SMARCC1: variants seen among roughly 807,000 people sequenced by gnomAD.
SMARCC1 encodes SWI/SNF complex subunit SMARCC1.
A neutral mutation model predicts 147.4 loss-of-function variants in SMARCC1; 43 were observed. The observed-to-expected ratio is 0.29, with a 90% CI of 0.23 to 0.38. The LOEUF is 0.38. Ranked by LOEUF, SMARCC1 falls within the 10% of genes least tolerant of loss-of-function variation. The pLI is 1.00. For missense variants in SMARCC1, 1,119 were observed against 1,381.1 expected (o/e 0.81, Z 3.01); for synonymous variants, 495 against 484.4 (o/e 1.02, Z -0.29).
intron 1 of SMARCC1, among the ~76,000 whole-genome samples, chr3:47,776,681 A>G (rs746583096): frequency 3.9e-5 from 6 of 152,202 alleles, no homozygotes; most frequent in Non-Finnish European, 8.8e-5. Flanking sequence ...AATGTCCTTG[A>G]AAAAGGCTGT....
At chr3:47,741,748 CTAT>C (rs2034512687) in intron 3 of SMARCC1, among the ~76,000 whole-genome samples, 1 of 151,704 alleles carries the variant, frequency 6.6e-6, no homozygotes, top group African/African-American at 2.4e-5. Flanking sequence ...ATTTATTTTA[CTAT>C]TATTTTAAAA....
chr3:47,768,264 G>C (rs1184179985), intron 2 of SMARCC1, among the ~76,000 whole-genome samples: 1 of 152,088 alleles, frequency 6.6e-6, no homozygotes, highest in Non-Finnish European at 1.5e-5. Context: ...ATACCATTAT[G>C]GATTGTATCA....
intron 25 of SMARCC1, among the ~76,000 whole-genome samples, chr3:47,615,057 G>A (rs1040929628): frequency 6.6e-6 from 1 of 152,056 alleles, no homozygotes; most frequent in Non-Finnish European, 1.5e-5. Flanking sequence ...CAACTGTCAA[G>A]TTTCTCAATA....
intron 25 of SMARCC1, among the ~76,000 whole-genome samples, chr3:47,613,982 G>T (rs548411993): frequency 2.2e-5 from 3 of 135,940 alleles, no homozygotes; most frequent in Admixed American, 7.4e-5. Flanking sequence ...AGCAGGGAGG[G>T]GGGTGGGAAA....
In SMARCC1 at chr3:47,736,073, C is replaced by T; in HGVS notation, c.537G>A (p.Lys179=). 1 of 1,603,028 alleles carries T rather than the reference C, an allele frequency of 6.2e-7. No homozygotes were observed. The highest frequency in any genetic ancestry group is 8.5e-7 in the Non-Finnish European group (1 of 1,174,168). Residue 179 remains lysine (K), a synonymous_variant, in exon 5 of 28, where the codon AAG becomes AAA. Transcript: ENST00000254480. ...NIYLIPDIDL[K]LANKLKDIIK... is the part of the protein sequence containing the mutation. ...TGATATCTTTCAATTTGTTAGCCAA[C>T]TTCAGATCAATGTCTGGAATGAGGT...
In SMARCC1 at chr3:47,761,331, C is replaced by T. The variant is rs180921992; in HGVS notation, c.315+11486G>A. 7.0e-4 allele frequency among the ~76,000 whole-genome samples: 107 copies of T among 151,818 alleles called. 1 individual carries two copies. Among genetic ancestry groups the T allele is most frequent in the African/African-American group, 2.5e-3 (103 of 41,422 alleles). Reference sequence around the variant, plus strand: ...AAAAAAAAGACAGGCTGAATTATCTCAAATTAAATAAGACTAAAAATATAT... The same window carrying T: ...AAAAAAAAGACAGGCTGAATTATCTTAAATTAAATAAGACTAAAAATATAT... On this transcript the variant is annotated intron_variant, in intron 2 of 27. Transcript: ENST00000254480.
intron 19 of SMARCC1, among the ~76,000 whole-genome samples, chr3:47,665,088 C>T (rs954362130): frequency 6.6e-6 from 1 of 152,152 alleles, no homozygotes; most frequent in African/African-American, 2.4e-5. Context: ...CCGCCTCAGC[C>T]TCCCAAAGTG....
At chr3:47,674,814 T>G (rs1171085159) in intron 18 of SMARCC1, among the ~76,000 whole-genome samples, 3 of 152,200 alleles carry the variant, frequency 2.0e-5, no homozygotes, top group Non-Finnish European at 4.4e-5. Flanking sequence ...CCATTATATA[T>G]TCAAGTATCA....
At chr3:47,750,580 C>T (rs1325650826) in intron 2 of SMARCC1, among the ~76,000 whole-genome samples, 1 of 152,184 alleles carries the variant, frequency 6.6e-6, no homozygotes, top group African/African-American at 2.4e-5. Context: ...CATGTAATCA[C>T]TATTGCACTT....
At chr3:47,709,702 A>C (rs2034061307) in intron 9 of SMARCC1, among the ~76,000 whole-genome samples, 1 of 151,980 alleles carries the variant, frequency 6.6e-6, no homozygotes, top group African/African-American at 2.4e-5. Context: ...TAAATAAATA[A>C]ATAAAAAATA....
chr3:47,598,543 T>A (rs1249264856), intron 26 of SMARCC1, among the ~76,000 whole-genome samples: 3 of 152,072 alleles, frequency 2.0e-5, no homozygotes, highest in African/African-American at 7.2e-5. Flanking sequence ...TAAAGCTATG[T>A]ATGTGGCCCA....
intron 10 of SMARCC1, among the ~76,000 whole-genome samples, chr3:47,704,989 CAAAAAA>C (rs34157187): frequency 1.5e-5 from 1 of 65,890 alleles, no homozygotes. Context: ...GACCCTGTCT[CAAAAAA>C]AAAAAAAAAA....
intron 2 of SMARCC1, among the ~76,000 whole-genome samples, chr3:47,772,318 G>A (rs78969116): frequency 0.025 from 3,867 of 152,040 alleles, 68 homozygotes; most frequent in Non-Finnish European, 0.039. Flanking sequence ...GGCTAGAGCC[G>A]GGAGATCAAG....
chr3:47,735,264 G>A (rs2034428279), intron 5 of SMARCC1, among the ~76,000 whole-genome samples: 1 of 150,512 alleles, frequency 6.6e-6, no homozygotes, highest in Admixed American at 6.6e-5. Flanking sequence ...TTTACAATAA[G>A]ACTAACGACT....
Position 47,675,940 on chromosome 3 carries a change from G to A in SMARCC1, c.1726-352C>T, listed in dbSNP as rs559098923. ...AGCCGGGGGAACAGTGCAAGATTCCGTCTCAAAAAAAAAAAAAAAGTTTAA... is the reference window on the plus strand; with the variant it reads ...AGCCGGGGGAACAGTGCAAGATTCCATCTCAAAAAAAAAAAAAAAGTTTAA... On this transcript the variant is annotated intron_variant, in intron 17 of 27. Transcript: ENST00000254480. Among the ~76,000 whole-genome samples the A allele has an allele frequency of 2.7e-4, 40 of 146,968 alleles. No individual in the cohort carries two copies. The Admixed American group carries it at 2.7e-3, about 10-fold the overall frequency.
intron 3 of SMARCC1, 83 bp from the exon 4 acceptor site, chr3:47,738,193 GAGTT>G (rs767378630): frequency 1.9e-5 from 15 of 802,266 alleles, no homozygotes; most frequent in Non-Finnish European, 2.6e-5. Flanking sequence ...CGATGCAAAT[GAGTT>G]AGAAAGATTT....
intron 25 of SMARCC1, 99 bp from the exon 26 acceptor site, chr3:47,610,426 C>A (rs2032548725): frequency 7.9e-7 from 1 of 1,269,722 alleles, no homozygotes; most frequent in Admixed American, 1.7e-5. Flanking sequence ...TACCTCTATC[C>A]CATCACACTG....
intron 18 of SMARCC1, among the ~76,000 whole-genome samples, chr3:47,672,367 G>A (rs767179573): frequency 6.6e-5 from 10 of 151,986 alleles, no homozygotes; most frequent in South Asian, 2.1e-4. Flanking sequence ...CAACACGCCC[G>A]GCTAATTTTT....
intron 18 of SMARCC1, among the ~76,000 whole-genome samples, chr3:47,675,045 C>T (rs891451399): frequency 6.6e-6 from 1 of 152,106 alleles, no homozygotes; most frequent in Non-Finnish European, 1.5e-5. Flanking sequence ...TGAACTCTAT[C>T]TCACATATCT....
Sources: gnomAD v4.1 joint callset for allele counts (sites outside exome capture counted in the v4.1 genomes callset) on GRCh38, gnomAD v4.1.1 for gene constraint, MANE v1.5 for transcripts, NCBI Gene and HGNC (gene_info 2026-07-23, HGNC 2026-07-21) for gene names.